Variants in AGBL1 observed in about 807,000 individuals in gnomAD.
AGBL1 encodes the protein cytosolic carboxypeptidase 4.
In AGBL1, 130 loss-of-function variants were observed where a neutral mutation model predicts 118.9. The ratio of observed to expected loss-of-function variants is 1.09; its 90% confidence interval spans 0.95 to 1.26. AGBL1 has a LOEUF of 1.26. Among genes scored for constraint, AGBL1 ranks in the 50% most tolerant of loss-of-function variants. The pLI is 0.00. For synonymous variants in AGBL1, 555 were observed against 478.9 expected (o/e 1.16, Z -2.08); for missense variants, 1,584 against 1,298.1 (o/e 1.22, Z -3.38).
intron 1 of AGBL1, among the ~76,000 whole-genome samples, chr15:86,115,969 G>A (rs1897727614): frequency 6.6e-6 from 1 of 152,184 alleles, no homozygotes; most frequent in South Asian, 2.1e-4. Flanking sequence ...CTATACATGA[G>A]GTTGGTATTT....
chr15:86,502,353 G>A (rs1234118713), intron 18 of AGBL1, among the ~76,000 whole-genome samples: 1 of 151,368 alleles, frequency 6.6e-6, no homozygotes, highest in African/African-American at 2.4e-5. Context: ...AGGATTTTCT[G>A]TATACAAGAT....
rs28678346 is a variant in AGBL1, at chr15:86,262,981, G to A, written c.1086+87G>A. The A allele has an allele frequency of 8.1e-3, 7,393 of 907,790 alleles. 380 individuals are homozygous for A. The African/African-American group carries it at 0.11, about 13-fold the overall frequency. 56.2% of individuals were successfully genotyped at this position (907,790 alleles called of 1,614,324 possible). ...GGAGGCCAAACCAGGGTGTCCAGATGGAAAGCATTGCTCATCATTAGCCAT... is the reference window on the plus strand; with the variant it reads ...GGAGGCCAAACCAGGGTGTCCAGATAGAAAGCATTGCTCATCATTAGCCAT... On this transcript the variant is annotated intron_variant, in intron 10 of 22. Transcript: ENST00000614907.
chr15:86,925,099 CAAG>C (rs71144081), intron 23 of AGBL1, among the ~76,000 whole-genome samples: 68,361 of 121,364 alleles, frequency 0.56, 20,153 homozygotes, highest in East Asian at 0.67. Flanking sequence ...GAGACTCTGT[CAAG>C]AAGAAGAAGA....
chr15:86,707,871 A>G (rs1333678234), intron 22 of AGBL1, among the ~76,000 whole-genome samples: 1 of 152,116 alleles, frequency 6.6e-6, no homozygotes, highest in Non-Finnish European at 1.5e-5. Flanking sequence ...TAAAGGGGCC[A>G]TACTTGATTA....
At chr15:86,729,442 T>C (rs1250299602) in intron 22 of AGBL1, among the ~76,000 whole-genome samples, 5 of 152,164 alleles carry the variant, frequency 3.3e-5, no homozygotes, top group Non-Finnish European at 7.3e-5. Context: ...TTCCCCACTT[T>C]AGTAGTCCCC....
Position 86,269,685 on chromosome 15 carries a change from A to G in AGBL1, c.1839-234A>G, listed in dbSNP as rs144339610. On this transcript the variant is annotated intron_variant, in intron 13 of 22. Coordinates refer to ENST00000614907, the MANE Select transcript of AGBL1 (RefSeq NM_001386094.1). The stretch of plus-strand genomic sequence containing the variant: ...TAATAGTTTAAAAAAATTTAAAAAT[A>G]TGCGCTATTGTGTAATTGACTCTTG... 3.0e-3 allele frequency among the ~76,000 whole-genome samples: 463 copies of G among 152,290 alleles called. 6 individuals are homozygous for G. The highest frequency in any genetic ancestry group is 0.01 in the African/African-American group (433 of 41,558).
intron 5 of AGBL1, among the ~76,000 whole-genome samples, chr15:86,188,988 T>A (rs1389236490): frequency 6.6e-6 from 1 of 152,314 alleles, no homozygotes; most frequent in East Asian, 1.9e-4. Flanking sequence ...TGTACATGAA[T>A]AGTTTTAAGT....
At chr15:86,608,277 G>A (rs1310415539) in intron 21 of AGBL1, among the ~76,000 whole-genome samples, 1 of 152,002 alleles carries the variant, frequency 6.6e-6, no homozygotes, top group African/African-American at 2.4e-5. Flanking sequence ...ACTATGTTAG[G>A]GCAAGACTTT....
intron 6 of AGBL1, among the ~76,000 whole-genome samples, chr15:86,232,477 G>A (rs146836147): frequency 6.6e-6 from 1 of 152,168 alleles, no homozygotes; most frequent in African/African-American, 2.4e-5. Flanking sequence ...GCTTCCCAGC[G>A]TTAGCAGCTT....
intron 22 of AGBL1, among the ~76,000 whole-genome samples, chr15:86,849,350 C>A (rs1418922454): frequency 6.6e-6 from 1 of 152,174 alleles, no homozygotes; most frequent in Non-Finnish European, 1.5e-5. Flanking sequence ...GCTGGGATCA[C>A]ATTCGGCATA....
chr15:86,955,530 G>T (rs970397509), intron 23 of AGBL1, among the ~76,000 whole-genome samples: 3 of 151,624 alleles, frequency 2.0e-5, no homozygotes, highest in African/African-American at 7.3e-5. Flanking sequence ...AATAGAGAAA[G>T]AAATCAAAAA....
intron 21 of AGBL1, among the ~76,000 whole-genome samples, chr15:86,592,521 G>A (rs2084351652): frequency 6.6e-6 from 1 of 152,206 alleles, no homozygotes; most frequent in South Asian, 2.1e-4. Flanking sequence ...TTTTCCCTTG[G>A]GGTGCACTGT....
chr15:86,575,147 C>T (rs1425993805), intron 21 of AGBL1, among the ~76,000 whole-genome samples: 2 of 151,890 alleles, frequency 1.3e-5, no homozygotes, highest in African/African-American at 4.8e-5. Flanking sequence ...CAAGATCACA[C>T]CACTGCACTC....
At chr15:86,429,202 G>A (rs954738153) in intron 18 of AGBL1, among the ~76,000 whole-genome samples, 4 of 152,262 alleles carry the variant, frequency 2.6e-5, no homozygotes, top group East Asian at 1.9e-4. Context: ...ATCATACTCC[G>A]GATGGCAAGA....
intron 6 of AGBL1, among the ~76,000 whole-genome samples, chr15:86,230,863 C>T (rs371250448): frequency 3.0e-4 from 46 of 152,196 alleles, no homozygotes; most frequent in African/African-American, 8.2e-4. Context: ...CACGTCTGCC[C>T]GGCTCCCATC....
chr15:86,841,110 G>A (rs939136202), intron 22 of AGBL1, among the ~76,000 whole-genome samples: 1 of 152,222 alleles, frequency 6.6e-6, no homozygotes, highest in African/African-American at 2.4e-5. Flanking sequence ...GAGCAGCAAG[G>A]ATGAATGACA....
chr15:86,652,047 C>G (rs1183290917), intron 21 of AGBL1, among the ~76,000 whole-genome samples: 1 of 152,138 alleles, frequency 6.6e-6, no homozygotes, highest in Non-Finnish European at 1.5e-5. Context: ...GATTGTTTAA[C>G]AAATGAGTGA....
intron 6 of AGBL1, among the ~76,000 whole-genome samples, chr15:86,227,436 C>T (rs1567140071): frequency 6.6e-6 from 1 of 152,266 alleles, no homozygotes; most frequent in African/African-American, 2.4e-5. Flanking sequence ...GCATTTTGGA[C>T]AGGATAATTC....
chr15:86,881,324 T>C (rs2079888707), intron 22 of AGBL1, among the ~76,000 whole-genome samples: 1 of 152,226 alleles, frequency 6.6e-6, no homozygotes, highest in Non-Finnish European at 1.5e-5. Context: ...TCAGTGTCTT[T>C]TACTGCAAAC....
Sources: allele counts gnomAD v4.1 joint callset (sites outside exome capture counted in the v4.1 genomes callset), GRCh38; gene constraint gnomAD v4.1.1; transcripts MANE v1.5; gene names NCBI Gene and HGNC (gene_info 2026-07-23, HGNC 2026-07-21).